Variants in STIM1 observed in about 807,000 individuals in gnomAD.
The protein encoded by STIM1 is stromal interaction molecule 1.
A neutral mutation model predicts 74.7 loss-of-function variants in STIM1; 25 were observed. The observed-to-expected ratio is 0.33, with a 90% CI of 0.24 to 0.47. The LOEUF is 0.47. Among genes scored for constraint, STIM1 ranks in the 20% least tolerant of loss-of-function variants. The probability of loss-of-function intolerance (pLI) is 1.00; values close to 1 mark genes in which losing one functional copy is unlikely to be tolerated. For synonymous variants in STIM1, 328 were observed against 348.8 expected (o/e 0.94, Z 0.66); for missense variants, 728 against 920.8 (o/e 0.79, Z 2.71).
chr11:4,008,852 AT>A (rs1387597371), intron 2 of STIM1, among the ~76,000 whole-genome samples: 3 of 151,564 alleles, frequency 2.0e-5, no homozygotes, highest in Non-Finnish European at 4.4e-5. Flanking sequence ...CCAGGAATTG[AT>A]TTTTTTTTCA....
At chr11:3,938,769 C>G (rs763636194) in intron 1 of STIM1, among the ~76,000 whole-genome samples, 7 of 152,146 alleles carry the variant, frequency 4.6e-5, no homozygotes, top group Non-Finnish European at 1.0e-4. Context: ...ATTGCTTGAA[C>G]CCGGGAGGCA....
intron 2 of STIM1, among the ~76,000 whole-genome samples, chr11:4,003,413 G>T (rs2093741364): frequency 6.7e-6 from 1 of 150,320 alleles, no homozygotes; most frequent in South Asian, 2.1e-4. Flanking sequence ...CTTCATCCCT[G>T]GGATGCAAGG....
At chr11:4,007,963 G>C (rs1241221370) in intron 2 of STIM1, among the ~76,000 whole-genome samples, 1 of 151,950 alleles carries the variant, frequency 6.6e-6, no homozygotes, top group Non-Finnish European at 1.5e-5. Flanking sequence ...AGCTCCTTTA[G>C]CACCAACTCC....
chr11:4,036,633 G>A, intron 3 of STIM1, among the ~76,000 whole-genome samples: 1 of 152,144 alleles, frequency 6.6e-6, no homozygotes, highest in South Asian at 2.1e-4. Context: ...TCATATGTTT[G>A]TTGGTCGCAT....
chr11:3,870,684 A>G (rs967951635), intron 1 of STIM1, among the ~76,000 whole-genome samples: 3 of 151,728 alleles, frequency 2.0e-5, no homozygotes, highest in Non-Finnish European at 2.9e-5. Flanking sequence ...TTTTGTAGAG[A>G]TGGGGGTCTC....
intron 2 of STIM1, among the ~76,000 whole-genome samples, chr11:4,013,835 G>T (rs551252313): frequency 9.2e-5 from 14 of 151,470 alleles, no homozygotes; most frequent in East Asian, 1.9e-4. Context: ...CTCCCGAGTA[G>T]CTGGGACTAC....
At chr11:4,052,960 G>A (rs779265205) in intron 3 of STIM1, among the ~76,000 whole-genome samples, 2 of 152,228 alleles carry the variant, frequency 1.3e-5, no homozygotes, top group Non-Finnish European at 2.9e-5. Flanking sequence ...CATTTATGCA[G>A]CCAACAGACA....
At chr11:4,091,191 T>G in intron 12 of STIM1, 91 bp from the exon 13 acceptor site, 4 of 1,580,668 alleles carry the variant, frequency 2.5e-6, no homozygotes, top group Non-Finnish European at 3.5e-6. Context: ...TGTCCTTGTC[T>G]TCTCGTGTTG....
intron 1 of STIM1, among the ~76,000 whole-genome samples, chr11:3,881,502 C>T (rs1195573109): frequency 2.6e-5 from 4 of 151,366 alleles, no homozygotes; most frequent in African/African-American, 7.3e-5. Flanking sequence ...TCCCGATTAG[C>T]TGGGACTACA....
At chr11:3,959,455 T>C (rs189921772) in intron 1 of STIM1, among the ~76,000 whole-genome samples, 1 of 152,294 alleles carries the variant, frequency 6.6e-6, no homozygotes, top group East Asian at 1.9e-4. Flanking sequence ...ATTCATTCAT[T>C]TAGCCAGCAC....
chr11:4,051,682 C>T (rs1000707576), intron 3 of STIM1, among the ~76,000 whole-genome samples: 1 of 151,090 alleles, frequency 6.6e-6, no homozygotes, highest in Non-Finnish European at 1.5e-5. Context: ...AGTCTCACTC[C>T]GTCACTCAGG....
At chr11:3,993,937 T>C (rs2093638195) in intron 2 of STIM1, among the ~76,000 whole-genome samples, 1 of 152,228 alleles carries the variant, frequency 6.6e-6, no homozygotes, top group African/African-American at 2.4e-5. Flanking sequence ...TTCACTGCTA[T>C]GTCTCCAGTA....
chr11:3,985,003 G>A (rs914537945), intron 2 of STIM1, among the ~76,000 whole-genome samples: 1 of 152,146 alleles, frequency 6.6e-6, no homozygotes, highest in African/African-American at 2.4e-5. Flanking sequence ...CGCAGGCAAG[G>A]GTACCAGTTC....
chr11:4,040,403 C>T (rs936855002), intron 3 of STIM1, among the ~76,000 whole-genome samples: 1 of 152,056 alleles, frequency 6.6e-6, no homozygotes, highest in Non-Finnish European at 1.5e-5. Flanking sequence ...ATGCTGTTTC[C>T]TCTATTCATC....
intron 1 of STIM1, among the ~76,000 whole-genome samples, chr11:3,912,098 C>T (rs550306559): frequency 6.6e-6 from 1 of 151,624 alleles, no homozygotes; most frequent in African/African-American, 2.4e-5. Flanking sequence ...TCCTTCCATT[C>T]CCTTCTCCTT....
intron 2 of STIM1, among the ~76,000 whole-genome samples, chr11:4,013,636 C>G (rs1320383668): frequency 1.5e-5 from 2 of 132,396 alleles, no homozygotes; most frequent in African/African-American, 5.8e-5. Flanking sequence ...CTGTATGATT[C>G]TTCTCTCTTC....
At chr11:4,030,065 C>T (rs1319986229) in intron 3 of STIM1, among the ~76,000 whole-genome samples, 2 of 152,116 alleles carry the variant, frequency 1.3e-5, no homozygotes, top group Non-Finnish European at 2.9e-5. Flanking sequence ...CGGTGGCTCA[C>T]GCCTGTAATC....
At chr11:3,892,468 C>G in intron 1 of STIM1, 1 of 1,507,628 alleles carries the variant, frequency 6.6e-7, no homozygotes, top group South Asian at 1.1e-5. Flanking sequence ...GCTCTATGGC[C>G]TCCACAATAT....
chr11:3,904,211 A>AAAAAAG (rs2092419527), intron 1 of STIM1, among the ~76,000 whole-genome samples: 1 of 150,662 alleles, frequency 6.6e-6, no homozygotes. Context: ...AAAAAAAAAA[A>AAAAAAG]AAAAAAAAGA....
Sources: gnomAD v4.1 joint callset for allele counts (sites outside exome capture counted in the v4.1 genomes callset) on GRCh38, gnomAD v4.1.1 for gene constraint, MANE v1.5 for transcripts, NCBI Gene and HGNC (gene_info 2026-07-23, HGNC 2026-07-21) for gene names.